The following ATP2B2 variants were observed in gnomAD, a reference collection of about 807,000 sequenced individuals.
ATP2B2 encodes the protein ATPase plasma membrane Ca2+ transporting 2, also known as plasma membrane calcium-transporting ATPase 2.
In ATP2B2, 15 loss-of-function variants were observed where a neutral mutation model predicts 120.0. The observed-to-expected ratio is 0.12, with a 90% confidence interval of 0.08 to 0.19. ATP2B2 has a LOEUF of 0.19. Ranked by LOEUF, ATP2B2 falls within the 10% of genes least tolerant of loss-of-function variation. The pLI is 1.00. For missense variants in ATP2B2, 1,045 were observed against 1,719.8 expected (o/e 0.61, Z 6.94); for synonymous variants, 694 against 700.3 (o/e 0.99, Z 0.14).
intron 1 of ATP2B2, among the ~76,000 whole-genome samples, chr3:10,671,408 T>C (rs79061688): frequency 0.07 from 10,599 of 152,204 alleles, 511 homozygotes; most frequent in South Asian, 0.14. Context: ...ACACAGATCA[T>C]GTGCGGCCCT....
intron 3 of ATP2B2, among the ~76,000 whole-genome samples, chr3:10,520,620 C>A (rs549437414): frequency 1.3e-5 from 2 of 152,128 alleles, no homozygotes; most frequent in South Asian, 4.2e-4. Flanking sequence ...CAGGCGGGCA[C>A]CACCACACCC....
intron 1 of ATP2B2, among the ~76,000 whole-genome samples, chr3:10,681,623 A>G (rs536217837): frequency 1.3e-5 from 2 of 152,364 alleles, no homozygotes; most frequent in South Asian, 2.1e-4. Context: ...AACAGGTAAC[A>G]TTGACTAAGC....
At chr3:10,428,922 A>G (rs529978366) in intron 2 of ATP2B2, among the ~76,000 whole-genome samples, 2 of 152,302 alleles carry the variant, frequency 1.3e-5, no homozygotes, top group African/African-American at 4.8e-5. Flanking sequence ...GAGAGTGAGG[A>G]TTTAGCACCT....
intron 2 of ATP2B2, among the ~76,000 whole-genome samples, chr3:10,597,164 C>T (rs1365932027): frequency 6.6e-6 from 1 of 151,152 alleles, no homozygotes; most frequent in Non-Finnish European, 1.5e-5. Flanking sequence ...TACACACAGG[C>T]ACGCACACAG....
intron 1 of ATP2B2, among the ~76,000 whole-genome samples, chr3:10,467,233 C>A (rs2064785006): frequency 6.6e-6 from 1 of 152,218 alleles, no homozygotes; most frequent in South Asian, 2.1e-4. Flanking sequence ...GAAACATCTA[C>A]ATGGGGAAAT....
intron 2 of ATP2B2, among the ~76,000 whole-genome samples, chr3:10,562,483 G>A (rs1298407674): frequency 6.6e-6 from 1 of 152,164 alleles, no homozygotes; most frequent in Non-Finnish European, 1.5e-5. Context: ...CTCTTGCTGG[G>A]TCTTGGGGAA....
At chr3:10,597,859 CCT>C (rs1412529663) in intron 2 of ATP2B2, among the ~76,000 whole-genome samples, 2 of 152,182 alleles carry the variant, frequency 1.3e-5, no homozygotes, top group Non-Finnish European at 2.9e-5. Context: ...TTGGTCACCT[CCT>C]CTGTTAAATG....
Position 10,475,633 on chromosome 3 carries a change from G to C in ATP2B2, c.-319-25771C>G, listed in dbSNP as rs1264745227. Among the ~76,000 whole-genome samples the C allele has an allele frequency of 2.0e-5, 3 of 146,514 alleles. No homozygotes were observed. The East Asian group carries it at 5.8e-4, about 28-fold the overall frequency. ...AGGGATCACTACACATGCCTGCCTA[G>C]GCTTTTATAGGCCTAACCCTGTTAG... On this transcript the variant is annotated intron_variant, in intron 1 of 22. Transcript: ENST00000360273.
intron 1 of ATP2B2, among the ~76,000 whole-genome samples, chr3:10,668,509 G>T (rs546960460): frequency 6.6e-6 from 1 of 152,300 alleles, no homozygotes; most frequent in African/African-American, 2.4e-5. Flanking sequence ...GCCCCCAGGC[G>T]TGCCCCTGCC....
rs557127539 is a variant in ATP2B2 at position 10,580,892 on chromosome 3, T to C, written c.-415+39025A>G. ...TCCATGGCCGTTTTCACATATTATA[T>C]AGCAAAGTTGAATCATTGCGACAGA... On this transcript the variant is annotated intron_variant, in intron 2 of 21. Coordinates refer to the ATP2B2 transcript ENST00000646379. 2.0e-5 allele frequency among the ~76,000 whole-genome samples: 3 copies of C among 152,386 alleles called. No homozygotes were observed. In the East Asian group the frequency reaches 5.8e-4, roughly 29 times the overall value.
At chr3:10,520,767 T>TC (rs1373956637) in intron 3 of ATP2B2, among the ~76,000 whole-genome samples, 2 of 151,594 alleles carry the variant, frequency 1.3e-5, no homozygotes, top group African/African-American at 2.4e-5. Context: ...CTTTTTTTTT[T>TC]TTTCTTTTTT....
chr3:10,367,797 C>T (rs879892989), intron 12 of ATP2B2, among the ~76,000 whole-genome samples: 1 of 152,208 alleles, frequency 6.6e-6, no homozygotes, highest in Admixed American at 6.5e-5. Flanking sequence ...GGTGTGGTGT[C>T]ACCCACTCTG....
chr3:10,634,395 T>A (rs1330095675), intron 1 of ATP2B2, among the ~76,000 whole-genome samples: 1 of 152,176 alleles, frequency 6.6e-6, no homozygotes, highest in Admixed American at 6.5e-5. Context: ...CTGGGGGCCG[T>A]GTCCAATTCA....
At chr3:10,578,546 CA>C (rs35312020) in intron 2 of ATP2B2, among the ~76,000 whole-genome samples, 71,720 of 135,852 alleles carry the variant, frequency 0.53, 18,064 homozygotes, top group East Asian at 0.85. Flanking sequence ...GAGTCCATCT[CA>C]AAAAAAAAAA....
chr3:10,571,480 A>G (rs1385973891), intron 2 of ATP2B2, among the ~76,000 whole-genome samples: 3 of 152,234 alleles, frequency 2.0e-5, no homozygotes, highest in African/African-American at 4.8e-5. Flanking sequence ...CTGGCTGCAG[A>G]AGCCTGGGCC....
intron 2 of ATP2B2, among the ~76,000 whole-genome samples, chr3:10,585,500 A>G (rs1429306083): frequency 1.4e-5 from 2 of 147,318 alleles, no homozygotes; most frequent in African/African-American, 5.1e-5. Flanking sequence ...TCTGAAAAAA[A>G]AAAAAAAAAA....
intron 3 of ATP2B2, among the ~76,000 whole-genome samples, chr3:10,406,078 G>A (rs1182363354): frequency 6.6e-6 from 1 of 152,226 alleles, no homozygotes; most frequent in Non-Finnish European, 1.5e-5. Context: ...TGCCCCAACT[G>A]CTTTCTCAGT....
At position 10,696,532 on chromosome 3, in the gene ATP2B2, C is replaced by T. The variant is rs571786389; in HGVS notation, c.-460+11383G>A. On this transcript the variant is annotated intron_variant, in intron 1 of 21. Transcript: ENST00000646379. The stretch of plus-strand genomic sequence containing the variant: ...TCCAAATGGCCTGGCGCAGGGTTTC[C>T]GCAGCTGCCTGGACTTGCTGACTCT... Among the ~76,000 whole-genome samples, 39 of 152,272 alleles carry T rather than the reference C, an allele frequency of 2.6e-4. 1 individual carries two copies. Among genetic ancestry groups the T allele is most frequent in the Admixed American group, 1.8e-3 (28 of 15,298 alleles).
chr3:10,536,761 G>T (rs929006705), intron 2 of ATP2B2, among the ~76,000 whole-genome samples: 1 of 152,242 alleles, frequency 6.6e-6, no homozygotes, highest in African/African-American at 2.4e-5. Context: ...CTCCTGGGCT[G>T]AAGCAATCCT....
Sources: allele counts gnomAD v4.1 joint callset (sites outside exome capture counted in the v4.1 genomes callset), GRCh38; gene constraint gnomAD v4.1.1; transcripts MANE v1.5; gene names NCBI Gene and HGNC (gene_info 2026-07-23, HGNC 2026-07-21).